SCHIP1: variants seen among roughly 807,000 people sequenced by gnomAD.
SCHIP1 encodes the protein schwannomin interacting protein 1.
SCHIP1 carries 8 observed loss-of-function variants against 29.7 expected under a neutral mutation model. The observed-to-expected ratio is 0.27, with a 90% CI of 0.16 to 0.49. The LOEUF (loss-of-function observed/expected upper bound fraction) is 0.49. SCHIP1 is among the 20% of genes least tolerant of loss of function. SCHIP1 has a pLI of 0.99. For synonymous variants in SCHIP1, 76 were observed against 94.9 expected (o/e 0.80, Z 1.16); for missense variants, 193 against 294.6 (o/e 0.66, Z 2.52).
chr3:159,717,545 GA>G, the SCHIP1 span, among the ~76,000 whole-genome samples: 1 of 152,070 alleles, frequency 6.6e-6, no homozygotes, highest in Admixed American at 6.6e-5. Context: ...TGATAAAGGG[GA>G]TATCACCACC....
chr3:159,435,908 A>C, the SCHIP1 span, among the ~76,000 whole-genome samples: 1 of 152,094 alleles, frequency 6.6e-6, no homozygotes, highest in Admixed American at 6.6e-5. Context: ...TCAGAGCCCA[A>C]GTTTATTGAA....
chr3:159,288,077 C>T, the SCHIP1 span, among the ~76,000 whole-genome samples: 6 of 152,116 alleles, frequency 3.9e-5, no homozygotes, highest in Admixed American at 6.5e-5. Context: ...TTGATCTTCT[C>T]AATACCACTT....
chr3:159,803,185 G>A, the SCHIP1 span, among the ~76,000 whole-genome samples: 1 of 152,052 alleles, frequency 6.6e-6, no homozygotes. Context: ...GTATGTGTGT[G>A]TGTGTGTGTG....
chr3:159,535,794 C>T, the SCHIP1 span, among the ~76,000 whole-genome samples: 1 of 152,156 alleles, frequency 6.6e-6, no homozygotes, highest in Admixed American at 6.5e-5. Context: ...CAGGTCACAT[C>T]CAGTTGCTTT....
the SCHIP1 span, among the ~76,000 whole-genome samples, chr3:159,351,230 C>A: frequency 6.6e-6 from 1 of 152,008 alleles, no homozygotes; most frequent in African/African-American, 2.4e-5. Flanking sequence ...CTGTGGTTTC[C>A]CAGGCAATAT....
At chr3:159,426,123 A>C in the SCHIP1 span, among the ~76,000 whole-genome samples, 2 of 152,088 alleles carry the variant, frequency 1.3e-5, no homozygotes, top group African/African-American at 4.8e-5. Flanking sequence ...TAACATCACA[A>C]TTAAAAGAAC....
chr3:159,493,411 A>G, the SCHIP1 span, among the ~76,000 whole-genome samples: 1 of 152,222 alleles, frequency 6.6e-6, no homozygotes, highest in East Asian at 1.9e-4. Flanking sequence ...AGGAAGATCT[A>G]CCAGGCAAAT....
At chr3:159,664,762 G>C in the SCHIP1 span, among the ~76,000 whole-genome samples, 66 of 152,324 alleles carry the variant, frequency 4.3e-4, 1 homozygote, top group East Asian at 0.012. Context: ...AAAAAGGCAG[G>C]AGGCAAGAAC....
the SCHIP1 span, among the ~76,000 whole-genome samples, chr3:159,286,049 C>A: frequency 6.6e-6 from 1 of 151,920 alleles, no homozygotes; most frequent in African/African-American, 2.4e-5. Context: ...ATATTTTATT[C>A]ATTGTGTTTA....
At chr3:159,576,137 T>A in the SCHIP1 span, among the ~76,000 whole-genome samples, 2 of 152,204 alleles carry the variant, frequency 1.3e-5, no homozygotes, top group Non-Finnish European at 2.9e-5. Context: ...AAAGAAATGA[T>A]AAATGTTTGA....
chr3:159,730,246 G>C, the SCHIP1 span, among the ~76,000 whole-genome samples: 2 of 152,110 alleles, frequency 1.3e-5, no homozygotes, highest in Non-Finnish European at 2.9e-5. Flanking sequence ...TGTAAATGCT[G>C]GTGCCAAAAT....
the SCHIP1 span, among the ~76,000 whole-genome samples, chr3:159,322,781 G>A: frequency 2.3e-4 from 35 of 152,296 alleles, no homozygotes; most frequent in African/African-American, 7.7e-4. Flanking sequence ...ATTGGGATGC[G>A]GGGTGTCTGG....
the SCHIP1 span, among the ~76,000 whole-genome samples, chr3:159,539,061 G>A: frequency 2.6e-5 from 4 of 152,142 alleles, no homozygotes; most frequent in East Asian, 5.8e-4. Context: ...CTAATAGTAA[G>A]AATAGCCTTG....
chr3:159,772,435 G>A, the SCHIP1 span, among the ~76,000 whole-genome samples: 4 of 152,166 alleles, frequency 2.6e-5, no homozygotes, highest in African/African-American at 4.8e-5. Flanking sequence ...GAGCCACCAC[G>A]CCCGGCCCAT....
the SCHIP1 span, among the ~76,000 whole-genome samples, chr3:159,297,959 C>G: frequency 6.6e-6 from 1 of 152,202 alleles, no homozygotes; most frequent in Non-Finnish European, 1.5e-5. Flanking sequence ...GCATCCCCAT[C>G]TGACACACCA....
chr3:159,443,840 T>C, the SCHIP1 span, among the ~76,000 whole-genome samples: 1 of 152,152 alleles, frequency 6.6e-6, no homozygotes, highest in East Asian at 1.9e-4. Flanking sequence ...ACTGATGCCT[T>C]TTTTTGGATT....
the SCHIP1 span, among the ~76,000 whole-genome samples, chr3:159,371,333 C>T: frequency 7.2e-5 from 11 of 152,098 alleles, no homozygotes; most frequent in East Asian, 1.9e-4. Flanking sequence ...CCTAAACAAC[C>T]GGGCAAGTTT....
chr3:159,659,614 CATCA>C, the SCHIP1 span, among the ~76,000 whole-genome samples: 2 of 152,260 alleles, frequency 1.3e-5, no homozygotes, highest in Non-Finnish European at 2.9e-5. Context: ...AGTGCCACCT[CATCA>C]AACATTTAGC....
chr3:159,446,381 ACAATACAATATTGTTGCAATACAG>A, the SCHIP1 span, among the ~76,000 whole-genome samples: 3 of 152,080 alleles, frequency 2.0e-5, 1 homozygote, highest in East Asian at 3.9e-4. Flanking sequence ...GATGTTTACA[ACAATACAATATTGTTGCAATACAG>A]CAATACAATA....
Sources: allele counts gnomAD v4.1 joint callset (sites outside exome capture counted in the v4.1 genomes callset), GRCh38; gene constraint gnomAD v4.1.1; transcripts MANE v1.5; gene names NCBI Gene and HGNC (gene_info 2026-07-23, HGNC 2026-07-21).